Variants in TNFSF10 observed in about 807,000 individuals in gnomAD.
TNFSF10 encodes the protein TNF superfamily member 10.
A neutral mutation model predicts 29.5 loss-of-function variants in TNFSF10; 13 were observed. The ratio of observed to expected loss-of-function variants is 0.44; its 90% CI spans 0.29 to 0.70. TNFSF10 has a LOEUF of 0.70. Ranked by LOEUF, TNFSF10 falls within the 30% of genes least tolerant of loss-of-function variation. The pLI is 0.13. For missense variants in TNFSF10, 345 were observed against 330.9 expected (o/e 1.04, Z -0.33); for synonymous variants, 111 against 112.8 (o/e 0.98, Z 0.10).
At chr3:172,515,097 G>T in intron 1 of TNFSF10, 99 bp from the exon 2 acceptor site, 1 of 1,537,830 alleles carries the variant, frequency 6.5e-7, no homozygotes, top group Non-Finnish European at 8.8e-7. Context: ...CAGACTTAAA[G>T]AAGTTTTGGC....
rs968633173 is a variant in TNFSF10, at chr3:172,505,595, A to G, written c.*897T>C. On this transcript the variant is annotated 3_prime_UTR_variant, in exon 5 of 5. Transcript: ENST00000241261. ...AAAAAGATTAGAAGTCTTTTCCCCCATTTTTAGTAATCTTGATATTATGAA... is the reference window on the plus strand; with the variant it reads ...AAAAAGATTAGAAGTCTTTTCCCCCGTTTTTAGTAATCTTGATATTATGAA... The G allele has an allele frequency of 6.6e-6, 1 of 152,122 alleles. No individual in the cohort carries two copies. Among genetic ancestry groups the G allele is most frequent in the African/African-American group, 2.4e-5 (1 of 41,426 alleles). 9.4% of individuals were successfully genotyped at this position (152,122 alleles called of 1,614,324 possible). A position where few individuals can be genotyped will look rare whatever the true frequency, so the allele number is the denominator to read the frequency against.
At chr3:172,511,482 T>C (rs1465440456) in intron 3 of TNFSF10, 135 bp downstream of exon 3, 2 of 622,148 alleles carry the variant, frequency 3.2e-6, no homozygotes, top group Non-Finnish European at 5.2e-6. Context: ...AATCAACAAG[T>C]GGCTTGAGAT....
chr3:172,512,201 G>A (rs1241891897), intron 2 of TNFSF10, among the ~76,000 whole-genome samples: 4 of 152,124 alleles, frequency 2.6e-5, no homozygotes. Context: ...ACAACACCGT[G>A]TCATTCTTTC....
intron 1 of TNFSF10, among the ~76,000 whole-genome samples, chr3:172,518,641 C>T (rs543710768): frequency 6.6e-6 from 1 of 152,318 alleles, no homozygotes; most frequent in South Asian, 2.1e-4. Flanking sequence ...TGCTGGTCTA[C>T]AGGCTATTTG....
At chr3:172,522,506 A>T in intron 1 of TNFSF10, 1 of 929,996 alleles carries the variant, frequency 1.1e-6, no homozygotes, top group Admixed American at 2.1e-5. Context: ...CCTGCTGCAC[A>T]TTGGACTCAA....
intron 4 of TNFSF10, among the ~76,000 whole-genome samples, chr3:172,508,714 A>T (rs1347519014): frequency 6.6e-6 from 1 of 152,086 alleles, no homozygotes; most frequent in Non-Finnish European, 1.5e-5. Context: ...ACATGGAGAA[A>T]TCCCATCTCT....
chr3:172,517,925 A>C, intron 1 of TNFSF10: 1 of 985,362 alleles, frequency 1.0e-6, no homozygotes, highest in Non-Finnish European at 1.2e-6. Flanking sequence ...AGGAAGCCCC[A>C]GTCACTCTCT....
Position 172,506,826 on chromosome 3 carries a change from T to C in TNFSF10, c.512A>G (p.Asn171Ser). The C allele has an allele frequency of 3.7e-6, 6 of 1,614,208 alleles. No homozygotes were observed. The highest frequency in any genetic ancestry group is 5.1e-6 in the Non-Finnish European group (6 of 1,180,030). The change falls in exon 5 of 5, where the codon AAT (asparagine) becomes AGT (serine). Residue 171 changes from asparagine (N) to serine (S), a missense_variant. Asn to Ser is a conservative substitution (Grantham distance 46). Transcript: ENST00000241261. ...TTTTTCATGGATGACCAGTTCACCA[T>C]TCCTCAAGTGCAAGTTGCTCAGGAA... ...HSFLSNLHLRNGELVIHEKGF... is the reference protein window; with the variant it reads ...HSFLSNLHLRSGELVIHEKGF...
intron 3 of TNFSF10, among the ~76,000 whole-genome samples, chr3:172,510,779 C>G (rs1194676526): frequency 6.6e-6 from 1 of 151,596 alleles, no homozygotes. Flanking sequence ...AAGGCTTAGA[C>G]CCCAGGAACA....
At chr3:172,509,029 C>T (rs1051209223) in intron 4 of TNFSF10, 188 bp downstream of exon 4, 5 of 400,664 alleles carry the variant, frequency 1.2e-5, no homozygotes, top group East Asian at 4.0e-5. Flanking sequence ...CCAGTTATGT[C>T]GTGGCAATAA....
At chr3:172,511,454 A>G (rs1277956114) in intron 3 of TNFSF10, 163 bp downstream of exon 3, 3 of 526,060 alleles carry the variant, frequency 5.7e-6, no homozygotes, top group East Asian at 6.5e-5. Flanking sequence ...CTAGCTGCCA[A>G]TGTAAAGAGG....
At chr3:172,508,405 A>C (rs1713083271) in intron 4 of TNFSF10, among the ~76,000 whole-genome samples, 1 of 152,222 alleles carries the variant, frequency 6.6e-6, no homozygotes, top group African/African-American at 2.4e-5. Context: ...TGGTTAAACT[A>C]TATGAAACTG....
At chr3:172,508,941 T>C (rs1560144293) in intron 4 of TNFSF10, among the ~76,000 whole-genome samples, 1 of 104,834 alleles carries the variant, frequency 9.5e-6, no homozygotes, top group African/African-American at 4.0e-5. Flanking sequence ...GAGCGAGAAA[T>C]TACTCTAAAG....
intron 3 of TNFSF10, among the ~76,000 whole-genome samples, chr3:172,510,150 C>T (rs1713164347): frequency 6.6e-6 from 1 of 152,168 alleles, no homozygotes; most frequent in South Asian, 2.1e-4. Context: ...TCACTGATTT[C>T]ACTGACCATG....
intron 3 of TNFSF10, among the ~76,000 whole-genome samples, chr3:172,510,070 A>C (rs2108445325): frequency 6.6e-6 from 1 of 152,284 alleles, no homozygotes; most frequent in Admixed American, 6.5e-5. Flanking sequence ...GTTGTAAGTA[A>C]ATTATATTCT....
chr3:172,507,210 G>C (rs1240359885), intron 4 of TNFSF10: 1 of 353,228 alleles, frequency 2.8e-6, no homozygotes, highest in Non-Finnish European at 5.1e-6. Flanking sequence ...GGTAGCACAA[G>C]GGATGGCCCA....
chr3:172,515,737 C>T (rs189951982), intron 1 of TNFSF10, among the ~76,000 whole-genome samples: 12 of 152,192 alleles, frequency 7.9e-5, no homozygotes, highest in African/African-American at 2.4e-4. Context: ...CCCTCATCAA[C>T]AAATCCTTGC....
chr3:172,512,911 T>G (rs1308815403), intron 2 of TNFSF10, among the ~76,000 whole-genome samples: 1 of 152,238 alleles, frequency 6.6e-6, no homozygotes, highest in Non-Finnish European at 1.5e-5. Flanking sequence ...AATTTATTAA[T>G]CTATTTTTAA....
At chr3:172,519,358 A>C (rs958776433) in intron 1 of TNFSF10, among the ~76,000 whole-genome samples, 1 of 136,056 alleles carries the variant, frequency 7.3e-6, no homozygotes, top group Non-Finnish European at 1.5e-5. Flanking sequence ...AGACAATTGC[A>C]TGAGTCAGTT....
Sources: allele counts gnomAD v4.1 joint callset (sites outside exome capture counted in the v4.1 genomes callset), GRCh38; gene constraint gnomAD v4.1.1; transcripts MANE v1.5; gene names NCBI Gene and HGNC (gene_info 2026-07-23, HGNC 2026-07-21).